The following ADAMTS6 variants were observed in gnomAD, a reference collection of about 807,000 sequenced individuals.
ADAMTS6 encodes the protein A disintegrin and metalloproteinase with thrombospondin motifs 6.
In ADAMTS6, 23 loss-of-function variants were observed where a neutral mutation model predicts 144.3. The observed-to-expected ratio is 0.16, with a 90% confidence interval of 0.11 to 0.23. ADAMTS6 has a LOEUF of 0.23. Among genes scored for constraint, ADAMTS6 ranks in the 10% least tolerant of loss-of-function variants. The pLI is 1.00. For synonymous variants in ADAMTS6, 444 were observed against 457.5 expected, an observed-to-expected ratio of 0.97 and a Z score of 0.38; for missense variants, 999 against 1,379.6, an observed-to-expected ratio of 0.72 and a Z score of 4.37.
intron 7 of ADAMTS6, among the ~76,000 whole-genome samples, chr5:65,393,373 C>T (rs925905394): frequency 9.9e-5 from 15 of 152,148 alleles, no homozygotes; most frequent in African/African-American, 3.6e-4. Context: ...TATATTAATG[C>T]ATGTTTGTAT....
Position 65,214,784 on chromosome 5 carries a change from G to C in ADAMTS6, c.2575+10C>G. 1 of 1,613,874 alleles carries C rather than the reference G, an allele frequency of 6.2e-7. No homozygotes were observed. The highest frequency in any genetic ancestry group is 8.5e-7 in the Non-Finnish European group (1 of 1,179,940). On this transcript the variant is annotated intron_variant, in intron 20 of 24. Coordinates refer to ENST00000381055, the MANE Select transcript of ADAMTS6 (RefSeq NM_197941.4). The surrounding 1 kb of genome is among the most constrained non-coding windows in gnomAD (Gnocchi z 4.6). Reference sequence around the variant, plus strand: ...TGCCCTCTGGGTGGGCTGCCTAGTGGGCATCTTACCTCCAGCACAAGTAGC... The same window carrying C: ...TGCCCTCTGGGTGGGCTGCCTAGTGCGCATCTTACCTCCAGCACAAGTAGC...
At chr5:65,170,569 A>C (rs753824771) in intron 24 of ADAMTS6, 48 bp downstream of exon 24, 1 of 1,600,844 alleles carries the variant, frequency 6.2e-7, no homozygotes, top group East Asian at 2.2e-5. Flanking sequence ...GGGAACAGTA[A>C]AGGTGGGTCA....
intron 15 of ADAMTS6, among the ~76,000 whole-genome samples, chr5:65,231,420 CA>C (rs1326378100): frequency 6.6e-6 from 1 of 151,942 alleles, no homozygotes; most frequent in African/African-American, 2.4e-5. Flanking sequence ...AAATAGAAAG[CA>C]ATTCAATAGG....
intron 22 of ADAMTS6, among the ~76,000 whole-genome samples, chr5:65,178,138 T>C (rs1007896643): frequency 6.6e-6 from 1 of 152,190 alleles, no homozygotes; most frequent in Non-Finnish European, 1.5e-5. Context: ...TGTGTGATGG[T>C]ATTGTGGTGG....
chr5:65,303,793 A>G (rs1380944304), intron 9 of ADAMTS6, among the ~76,000 whole-genome samples: 2 of 152,144 alleles, frequency 1.3e-5, no homozygotes, highest in African/African-American at 4.8e-5. Flanking sequence ...TTTTAAATGC[A>G]TAATGGTAGT....
intron 22 of ADAMTS6, among the ~76,000 whole-genome samples, chr5:65,176,147 A>G (rs1454058184): frequency 1.3e-5 from 2 of 152,160 alleles, no homozygotes; most frequent in Non-Finnish European, 2.9e-5. Flanking sequence ...GAATTTATGT[A>G]AAAAGAGTGT....
chr5:65,157,448 A>G (rs1752494507), intron 24 of ADAMTS6, among the ~76,000 whole-genome samples: 1 of 152,192 alleles, frequency 6.6e-6, no homozygotes, highest in South Asian at 2.1e-4. Context: ...CATTTATGTC[A>G]CTGAATGTTA....
chr5:65,437,098 AT>A (rs546838256), intron 7 of ADAMTS6, among the ~76,000 whole-genome samples: 75 of 141,384 alleles, frequency 5.3e-4, no homozygotes, highest in East Asian at 6.4e-4. Context: ...GGAAACTCCC[AT>A]TTTTTTTTTT....
chr5:65,176,323 A>T (rs1046342908), intron 22 of ADAMTS6, among the ~76,000 whole-genome samples: 3 of 152,250 alleles, frequency 2.0e-5, no homozygotes, highest in African/African-American at 7.2e-5. Flanking sequence ...TGTATAATTT[A>T]AAAGTAACTA....
chr5:65,317,078 C>T (rs370360664), intron 9 of ADAMTS6, among the ~76,000 whole-genome samples: 7 of 152,296 alleles, frequency 4.6e-5, no homozygotes, highest in African/African-American at 1.7e-4. Flanking sequence ...TCTGGGATTA[C>T]AGGTGTGAGC....
At chr5:65,238,646 A>G (rs148568282) in intron 15 of ADAMTS6, among the ~76,000 whole-genome samples, 90 of 152,300 alleles carry the variant, frequency 5.9e-4, no homozygotes, top group African/African-American at 2.0e-3. Context: ...CACAGAATAC[A>G]AAGTTAATAT....
chr5:65,381,079 C>A (rs1751995154), intron 7 of ADAMTS6, among the ~76,000 whole-genome samples: 2 of 152,140 alleles, frequency 1.3e-5, no homozygotes, highest in African/African-American at 4.8e-5. Flanking sequence ...ACAGTAACTG[C>A]ACTTGAGATA....
intron 21 of ADAMTS6, among the ~76,000 whole-genome samples, chr5:65,193,525 A>G (rs1208605598): frequency 1.3e-5 from 2 of 152,090 alleles, no homozygotes; most frequent in Non-Finnish European, 2.9e-5. Flanking sequence ...CAGCAATTAG[A>G]TATCAGGGCT....
At chr5:65,261,034 CA>C (rs1338331260) in intron 13 of ADAMTS6, among the ~76,000 whole-genome samples, 1 of 151,962 alleles carries the variant, frequency 6.6e-6, no homozygotes, top group Non-Finnish European at 1.5e-5. Context: ...TCATATTCAA[CA>C]AAATCCATAA....
rs573062498 is a variant in ADAMTS6, at chr5:65,291,692, G to C, written c.1371-222C>G. On this transcript the variant is annotated intron_variant, in intron 10 of 24. Coordinates refer to ENST00000381055, the MANE Select transcript of ADAMTS6 (RefSeq NM_197941.4). ...ACCAAGACACAATAAAATCATTTCAGACAACAATATGAAAATGTCACGTTG... is the reference window on the plus strand; with the variant it reads ...ACCAAGACACAATAAAATCATTTCACACAACAATATGAAAATGTCACGTTG... 9.9e-5 allele frequency among the ~76,000 whole-genome samples: 15 copies of C among 152,078 alleles called. No homozygotes were observed. The South Asian group carries it at 3.1e-3, about 32-fold the overall frequency.
At chr5:65,395,550 G>C (rs1308857585) in intron 7 of ADAMTS6, among the ~76,000 whole-genome samples, 2 of 152,238 alleles carry the variant, frequency 1.3e-5, no homozygotes, top group South Asian at 2.1e-4. Context: ...CTGTTGTTTA[G>C]TGTGCCCAAA....
intron 3 of ADAMTS6, among the ~76,000 whole-genome samples, chr5:65,470,035 A>G (rs2150282407): frequency 6.6e-6 from 1 of 152,284 alleles, no homozygotes; most frequent in South Asian, 2.1e-4. Flanking sequence ...AATGGATTCA[A>G]ATGCCCAGGA....
At chr5:65,448,722 G>A (rs1758483574) in intron 7 of ADAMTS6, among the ~76,000 whole-genome samples, 1 of 151,944 alleles carries the variant, frequency 6.6e-6, no homozygotes, top group Admixed American at 6.6e-5. Flanking sequence ...CAAAGTGCTG[G>A]AATTACAGGT....
chr5:65,376,186 C>T (rs1751522803), intron 7 of ADAMTS6, among the ~76,000 whole-genome samples: 1 of 152,036 alleles, frequency 6.6e-6, no homozygotes. Flanking sequence ...GGGTGCAGCG[C>T]ACCAGCATGG....
Sources: allele counts gnomAD v4.1 joint callset (sites outside exome capture counted in the v4.1 genomes callset), GRCh38; gene constraint gnomAD v4.1.1; non-coding constraint Gnocchi (gnomAD v3.1); transcripts MANE v1.5; gene names NCBI Gene and HGNC (gene_info 2026-07-23, HGNC 2026-07-21).